PIN4: variants seen among roughly 807,000 people sequenced by gnomAD.
PIN4 encodes peptidyl-prolyl cis-trans isomerase NIMA-interacting 4.
Under a neutral mutation model 8.3 loss-of-function variants are expected in PIN4, and 3 were observed. The observed-to-expected ratio is 0.36, with a 90% CI of 0.16 to 0.93. PIN4 has a LOEUF of 0.93. Among genes scored for constraint, PIN4 ranks in the 40% least tolerant of loss-of-function variants. The pLI, the probability that PIN4 is intolerant of heterozygous loss-of-function variation, is 0.44. For missense variants in PIN4, 75 were observed against 100.6 expected, an observed-to-expected ratio of 0.75 and a Z score of 1.09; for synonymous variants, 18 against 32.5, an observed-to-expected ratio of 0.55 and a Z score of 1.52.
intron 3 of PIN4, among the ~76,000 whole-genome samples, chrX:72,251,348 GCGAGA>G (rs1203677635): frequency 2.5e-4 from 8 of 32,432 alleles, no homozygotes; most frequent in African/African-American, 2.4e-3. Flanking sequence ...GGGCGACACA[GCGAGA>G]CTCTGTCTCA....
At chrX:72,205,604 A>T (rs201813772) in intron 3 of PIN4, 1 of 1,211,697 alleles carries the variant, frequency 8.3e-7, no homozygotes, top group Admixed American at 2.2e-5. Flanking sequence ...TGTTTCACAG[A>T]TGAGAATTGA....
At chrX:72,244,001 C>T (rs1343894373) in intron 3 of PIN4, among the ~76,000 whole-genome samples, 2 of 112,201 alleles carry the variant, frequency 1.8e-5, no homozygotes, top group Admixed American at 1.9e-4. Context: ...TAACATGATG[C>T]TAGTTAGATA....
At chrX:72,256,327 A>T (rs1186247152) in intron 3 of PIN4, among the ~76,000 whole-genome samples, 1 of 112,053 alleles carries the variant, frequency 8.9e-6, no homozygotes, top group African/African-American at 3.2e-5. Context: ...ACTATAAGGA[A>T]TTGGCTCACA....
intron 3 of PIN4, among the ~76,000 whole-genome samples, chrX:72,227,426 C>A (rs2042959762): frequency 8.9e-6 from 1 of 111,972 alleles, no homozygotes; most frequent in African/African-American, 3.2e-5. Flanking sequence ...CTCTTAAAGA[C>A]TGGGTTACAC....
intron 3 of PIN4, among the ~76,000 whole-genome samples, chrX:72,232,685 C>G (rs936225274): frequency 3.0e-4 from 33 of 111,392 alleles, no homozygotes; most frequent in African/African-American, 1.0e-3. Flanking sequence ...TGGCACCCAC[C>G]TGTAATCCCA....
intron 3 of PIN4, among the ~76,000 whole-genome samples, chrX:72,261,450 G>A (rs932552593): frequency 3.6e-5 from 4 of 112,082 alleles, no homozygotes; most frequent in Non-Finnish European, 7.5e-5. Context: ...GATGGGTTCT[G>A]GAGTCCCTAT....
In PIN4 at chrX:72,191,812, G is replaced by A. The variant is rs73624219; in HGVS notation, c.118-4973G>A. Among the ~76,000 whole-genome samples, 229 of 111,334 alleles carry A rather than the reference G, an allele frequency of 2.1e-3. 4 individuals are homozygous for A. Among genetic ancestry groups the A allele is most frequent in the African/African-American group, 7.1e-3 (216 of 30,592 alleles). On this transcript the variant is annotated intron_variant, in intron 2 of 3. Coordinates refer to ENST00000373669, the MANE Select transcript of PIN4 (RefSeq NM_006223.4). ...CTTTAAGGCTAATTTTTCAAACCGT[G>A]TTCTGAATACCAAACCTTGCTCCTT... is the stretch of plus-strand genomic sequence containing the variant.
intron 3 of PIN4, among the ~76,000 whole-genome samples, chrX:72,260,961 C>T (rs754801540): frequency 5.9e-4 from 66 of 111,992 alleles, no homozygotes; most frequent in African/African-American, 1.9e-3. Context: ...TCTCTGCTTC[C>T]ATGAGCTGCT....
chrX:72,197,673 G>A lies in PIN4; in HGVS notation c.*147G>A. On this transcript the variant is annotated 3_prime_UTR_variant, in exon 4 of 4. Transcript: ENST00000373669. ...TCCTTGTATTCTGTGAAAGCTCTAA[G>A]TATGGGTTTGTAGGTGTAAGAGAGG... 1.7e-5 allele frequency: 18 copies of A among 1,050,661 alleles called. No homozygotes were observed. The highest frequency in any genetic ancestry group is 2.2e-5 in the Non-Finnish European group (18 of 814,130). 86.6% of individuals were successfully genotyped at this position (1,050,661 alleles called of 1,213,427 possible). A position where few individuals can be genotyped will look rare whatever the true frequency, so the allele number is the denominator to read the frequency against.
intron 3 of PIN4, among the ~76,000 whole-genome samples, chrX:72,244,849 G>A (rs1451724488): frequency 3.7e-5 from 4 of 109,056 alleles, no homozygotes; most frequent in Non-Finnish European, 1.9e-5. Flanking sequence ...GGGAGGCCGA[G>A]GTGGGAGGAT....
chrX:72,205,010 A>G (rs1460478386), intron 3 of PIN4: 1 of 1,173,304 alleles, frequency 8.5e-7, no homozygotes, highest in Non-Finnish European at 1.1e-6. Context: ...AACAGGTTAC[A>G]TTCTCAATTG....
At chrX:72,226,671 T>A (rs962963129) in intron 3 of PIN4, among the ~76,000 whole-genome samples, 1 of 111,191 alleles carries the variant, frequency 9.0e-6, no homozygotes, top group Non-Finnish European at 1.9e-5. Context: ...ACCGTGAGGC[T>A]GAGTATTGGG....
At chrX:72,231,748 T>G (rs1017797644) in intron 3 of PIN4, among the ~76,000 whole-genome samples, 1 of 111,197 alleles carries the variant, frequency 9.0e-6, no homozygotes, top group African/African-American at 3.3e-5. Flanking sequence ...GAGACAGAGT[T>G]TCGCCATGTT....
At position 72,191,024 on chromosome X, in the gene PIN4, C is replaced by G. The variant is rs556441033; in HGVS notation, c.117+4490C>G. Among the ~76,000 whole-genome samples the G allele has an allele frequency of 1.9e-4, 21 of 109,153 alleles. No individual in the cohort carries two copies. In the South Asian group the frequency reaches 8.4e-3, roughly 44 times the overall value. 94.8% of individuals were successfully genotyped at this position (109,153 alleles called of 115,157 possible). On this transcript the variant is annotated intron_variant, in intron 2 of 3. Coordinates refer to ENST00000373669, the MANE Select transcript of PIN4 (RefSeq NM_006223.4). ...AGTCACACAGCCTTGGGGATTGGGA[C>G]TACTAATACTTGGTCTCTGACTTTA...
chrX:72,262,671 A>G, intron 3 of PIN4: 1 of 951,430 alleles, frequency 1.1e-6, no homozygotes, highest in Non-Finnish European at 1.5e-6. Context: ...TCAGGTTACA[A>G]TTGATTGACA....
In PIN4 at chrX:72,188,540, G is replaced by A. The variant is rs780762244; in HGVS notation, c.117+2006G>A. ...GCCCAGCTAGTTTTTTGTATTTTTAGTAGAGATGAGGTTTCACCATGTTGG... is the reference window on the plus strand; with the variant it reads ...GCCCAGCTAGTTTTTTGTATTTTTAATAGAGATGAGGTTTCACCATGTTGG... On this transcript the variant is annotated intron_variant, in intron 2 of 3. Coordinates refer to ENST00000373669, the MANE Select transcript of PIN4 (RefSeq NM_006223.4). Among the ~76,000 whole-genome samples the A allele has an allele frequency of 5.6e-4, 62 of 111,517 alleles. No individual in the cohort carries two copies. In the East Asian group the frequency reaches 0.013, roughly 23 times the overall value.
intron 2 of PIN4, among the ~76,000 whole-genome samples, chrX:72,192,394 T>A (rs2147572163): frequency 8.9e-6 from 1 of 111,743 alleles, no homozygotes; most frequent in South Asian, 3.7e-4. Context: ...GCTTCTGCAC[T>A]TAAACTCTTC....
intron 3 of PIN4, among the ~76,000 whole-genome samples, chrX:72,235,048 T>C (rs760153947): frequency 4.5e-5 from 5 of 112,223 alleles, no homozygotes; most frequent in Non-Finnish European, 9.4e-5. Context: ...CAGAGTTGGA[T>C]TTAGCAAAAT....
At chrX:72,216,418 T>C (rs1395340589) in intron 3 of PIN4, among the ~76,000 whole-genome samples, 2 of 112,090 alleles carry the variant, frequency 1.8e-5, no homozygotes, top group Non-Finnish European at 3.8e-5. Context: ...CTAGGTTTTT[T>C]AAAAAAATGT....
Sources: allele counts gnomAD v4.1 joint callset (sites outside exome capture counted in the v4.1 genomes callset), GRCh38; gene constraint gnomAD v4.1.1; transcripts MANE v1.5; gene names NCBI Gene and HGNC (gene_info 2026-07-23, HGNC 2026-07-21).